FRMD5: variants seen among roughly 807,000 people sequenced by gnomAD.
FRMD5 encodes the protein FERM domain-containing protein 5.
In FRMD5, 20 loss-of-function variants were observed where a neutral mutation model predicts 69.0. That is an observed-to-expected ratio of 0.29 (90% confidence interval 0.20 to 0.42). The LOEUF is 0.42. Ranked by LOEUF, FRMD5 falls within the 10% of genes least tolerant of loss-of-function variation. The pLI is 1.00. For missense variants in FRMD5, 595 were observed against 708.6 expected, an observed-to-expected ratio of 0.84 and a Z score of 1.82; for synonymous variants, 271 against 260.1, an observed-to-expected ratio of 1.04 and a Z score of -0.40.
intron 1 of FRMD5, among the ~76,000 whole-genome samples, chr15:44,118,936 A>T (rs1481061617): frequency 6.6e-6 from 1 of 151,508 alleles, no homozygotes; most frequent in Non-Finnish European, 1.5e-5. Flanking sequence ...CCACCATGCT[A>T]AATTTTTTAA....
chr15:44,162,822 G>C (rs919898131), intron 1 of FRMD5, among the ~76,000 whole-genome samples: 3 of 147,644 alleles, frequency 2.0e-5, no homozygotes, highest in African/African-American at 7.6e-5. Flanking sequence ...AGCCAAGATC[G>C]GGCCACTGTA....
chr15:44,030,608 C>A (rs546520479), intron 1 of FRMD5, among the ~76,000 whole-genome samples: 1 of 152,202 alleles, frequency 6.6e-6, no homozygotes, highest in East Asian at 1.9e-4. Flanking sequence ...AGTATGTTTC[C>A]CTTTCTGAGT....
intron 1 of FRMD5, among the ~76,000 whole-genome samples, chr15:44,000,385 T>C (rs962452626): frequency 6.6e-6 from 1 of 151,972 alleles, no homozygotes; most frequent in Non-Finnish European, 1.5e-5. Context: ...AACATGAGAG[T>C]GCAGACATCT....
chr15:44,010,357 G>A (rs1054662341), intron 1 of FRMD5, among the ~76,000 whole-genome samples: 2 of 151,708 alleles, frequency 1.3e-5, no homozygotes, highest in African/African-American at 4.8e-5. Context: ...TAACCTCAGA[G>A]ATGAAGCCTT....
chr15:43,878,324 C>T (rs186894798), intron 13 of FRMD5, among the ~76,000 whole-genome samples: 2 of 152,148 alleles, frequency 1.3e-5, no homozygotes, highest in Non-Finnish European at 2.9e-5. Context: ...ACCCTGTCAA[C>T]GCTGTTAAGT....
At chr15:44,021,721 T>G (rs1490025106) in intron 1 of FRMD5, among the ~76,000 whole-genome samples, 2 of 152,270 alleles carry the variant, frequency 1.3e-5, no homozygotes, top group Non-Finnish European at 1.5e-5. Context: ...ACAGCTGCTA[T>G]GTAAAATGTT....
At chr15:43,939,034 T>C (rs1056335531) in intron 1 of FRMD5, among the ~76,000 whole-genome samples, 1 of 151,814 alleles carries the variant, frequency 6.6e-6, no homozygotes, top group African/African-American at 2.4e-5. Context: ...GCTAATTTTT[T>C]TTTTTTTTGT....
At chr15:44,111,780 A>T (rs752181989) in intron 1 of FRMD5, among the ~76,000 whole-genome samples, 3 of 152,148 alleles carry the variant, frequency 2.0e-5, no homozygotes, top group Non-Finnish European at 4.4e-5. Flanking sequence ...GACAGTCACC[A>T]ATCAGTATTT....
chr15:43,906,050 A>C, intron 5 of FRMD5, 99 bp from the exon 6 acceptor site: 1 of 1,409,798 alleles, frequency 7.1e-7, no homozygotes, highest in Non-Finnish European at 9.9e-7. Context: ...GCCAAAATAC[A>C]CATCAGATTT....
intron 4 of FRMD5, among the ~76,000 whole-genome samples, chr15:43,917,357 G>A: frequency 6.6e-6 from 1 of 152,140 alleles, no homozygotes; most frequent in East Asian, 1.9e-4. Context: ...GAGATCATGA[G>A]TGGGGCAGGC....
chr15:44,143,795 C>T (rs982139551), intron 1 of FRMD5, among the ~76,000 whole-genome samples: 2 of 151,128 alleles, frequency 1.3e-5, no homozygotes, highest in African/African-American at 2.4e-5. Flanking sequence ...CGTGGCGGCA[C>T]GCACCTGTTG....
In FRMD5 at chr15:44,027,656, T is replaced by TG. The variant is rs1456258925; in HGVS notation, c.103-103348_103-103347insC. Among the ~76,000 whole-genome samples, 228 of 88,914 alleles carry TG rather than the reference T, an allele frequency of 2.6e-3. 6 individuals are homozygous for TG. Among genetic ancestry groups the TG allele is most frequent in the African/African-American group, 6.7e-3 (219 of 32,928 alleles). The allele number at this position is 88,914 out of a possible 152,430, so 58.3% of individuals were successfully genotyped here. A position where few individuals can be genotyped will look rare whatever the true frequency, so the allele number is the denominator to read the frequency against. On this transcript the variant is annotated intron_variant, in intron 1 of 13. Transcript: ENST00000417257. ...CTTTTCTAGTTTTTTTTTTTGTTTT[T>TG]TTTTTTTTTTCCGAGACAGAGTCTC...
intron 9 of FRMD5, 86 bp downstream of exon 9, chr15:43,888,723 A>T: frequency 8.9e-7 from 1 of 1,128,114 alleles, no homozygotes; most frequent in Non-Finnish European, 1.3e-6. Flanking sequence ...GCTTGGCTCT[A>T]CTGGGGTCCC....
chr15:44,043,204 A>G (rs551851895), intron 1 of FRMD5, among the ~76,000 whole-genome samples: 1 of 152,360 alleles, frequency 6.6e-6, no homozygotes, highest in East Asian at 1.9e-4. Flanking sequence ...ATATCTAGGA[A>G]TACAACTTAC....
At chr15:43,986,337 C>A (rs1036932517) in intron 1 of FRMD5, among the ~76,000 whole-genome samples, 1 of 148,250 alleles carries the variant, frequency 6.7e-6, no homozygotes, top group African/African-American at 2.6e-5. Context: ...AGCAAAGTAA[C>A]AAAAAGTGGT....
intron 1 of FRMD5, among the ~76,000 whole-genome samples, chr15:43,940,739 G>T (rs954302526): frequency 2.6e-5 from 4 of 152,280 alleles, no homozygotes; most frequent in African/African-American, 9.6e-5. Flanking sequence ...TATTTAGGTG[G>T]CAGAATAAAT....
chr15:43,905,656 G>A (rs774329776), intron 6 of FRMD5, among the ~76,000 whole-genome samples, 172 bp downstream of exon 6: 3 of 152,200 alleles, frequency 2.0e-5, no homozygotes, highest in Admixed American at 1.3e-4. Flanking sequence ...TTGTGGCTGT[G>A]ACTTGTGCTG....
chr15:44,003,805 T>A (rs1426473694), intron 1 of FRMD5, among the ~76,000 whole-genome samples: 1 of 152,230 alleles, frequency 6.6e-6, no homozygotes, highest in Admixed American at 6.5e-5. Flanking sequence ...TATCACTTTC[T>A]AATATACCAT....
chr15:44,139,994 T>TA (rs2077244406), intron 1 of FRMD5, among the ~76,000 whole-genome samples: 1 of 151,530 alleles, frequency 6.6e-6, no homozygotes, highest in Non-Finnish European at 1.5e-5. Context: ...AAGTCTGATC[T>TA]TATACATATA....
Sources: allele counts gnomAD v4.1 joint callset (sites outside exome capture counted in the v4.1 genomes callset), GRCh38; gene constraint gnomAD v4.1.1; transcripts MANE v1.5; gene names NCBI Gene and HGNC (gene_info 2026-07-23, HGNC 2026-07-21).